The following FABP1 variants were observed in gnomAD, a reference collection of about 807,000 sequenced individuals.
FABP1 encodes fatty acid-binding protein, liver.
In FABP1, 13 loss-of-function variants were observed where a neutral mutation model predicts 13.7. That is an observed-to-expected ratio of 0.95 (90% CI 0.62 to 1.51). FABP1 has a LOEUF of 1.51. Among genes scored for constraint, FABP1 ranks in the 40% most tolerant of loss-of-function variants. The pLI, the probability that FABP1 is intolerant of heterozygous loss-of-function variation, is 0.00. For missense variants in FABP1, 140 were observed against 155.7 expected (o/e 0.90, Z 0.54); for synonymous variants, 48 against 59.8 (o/e 0.80, Z 0.91).
chr2:88,126,584 A>C, intron 1 of FABP1: 1 of 450,716 alleles, frequency 2.2e-6, no homozygotes, highest in African/African-American at 1.9e-5. Context: ...TAAAAAGGAC[A>C]CTCTTCTGGC....
At chr2:88,124,679 CAT>C in intron 2 of FABP1, 93 bp from the exon 3 acceptor site, 1 of 822,310 alleles carries the variant, frequency 1.2e-6, no homozygotes, top group Non-Finnish European at 2.0e-6. Context: ...GGTCTCAGCT[CAT>C]AACAACCAAA....
At position 88,128,006 on chromosome 2, in the gene FABP1, G is replaced by A. The variant is rs144743993; in HGVS notation, c.12C>T (p.Ser4=). 64 of 1,614,188 alleles carry A rather than the reference G, an allele frequency of 4.0e-5. 1 individual carries two copies. The African/African-American group carries it at 4.0e-4, about 10-fold the overall frequency. Reference sequence around the variant, plus strand: ...CCTGGCTCTGCAGTTGGTACTTGCCGGAGAAACTCATGGTGGCAATAGAGC... The same window carrying A: ...CCTGGCTCTGCAGTTGGTACTTGCCAGAGAAACTCATGGTGGCAATAGAGC... MSF[S]GKYQLQSQEN... is the part of the protein sequence containing the mutation. The change falls in exon 1 of 4, where the codon TCC becomes TCT. Residue 4 remains serine (S), a synonymous_variant. Coordinates refer to ENST00000295834, the MANE Select transcript of FABP1 (RefSeq NM_001443.3).
At chr2:88,126,640 T>C (rs1675303374) in intron 1 of FABP1, 5 of 291,596 alleles carry the variant, frequency 1.7e-5, no homozygotes, top group Admixed American at 1.6e-4. Flanking sequence ...TTGCTCACTC[T>C]CCTTCCTCAT....
Position 88,128,061 on chromosome 2 carries a change from C to G in FABP1, c.-44G>C, listed in dbSNP as rs1302002150. On this transcript the variant is annotated 5_prime_UTR_variant, in exon 1 of 4. Transcript: ENST00000295834. ...TCTTCACGACTGACCTGCGGCTCTG[C>G]CGACCAGACTGTCCACTGTAGGCTG... 3 of 1,584,790 alleles carry G rather than the reference C, an allele frequency of 1.9e-6. No individual in the cohort carries two copies. The highest frequency in any genetic ancestry group is 1.7e-6 in the Non-Finnish European group (2 of 1,153,238).
At chr2:88,125,575 G>T (rs1387042494) in intron 2 of FABP1, among the ~76,000 whole-genome samples, 1 of 152,212 alleles carries the variant, frequency 6.6e-6, no homozygotes, top group Non-Finnish European at 1.5e-5. Flanking sequence ...GTGCCCAGCA[G>T]AAGTGATGCT....
At chr2:88,124,910 G>A (rs1375988301) in intron 2 of FABP1, among the ~76,000 whole-genome samples, 1 of 151,764 alleles carries the variant, frequency 6.6e-6, no homozygotes, top group Non-Finnish European at 1.5e-5. Flanking sequence ...ATGGAGGGAG[G>A]TAGTGGCAAA....
chr2:88,126,668 A>G (rs1188193136), intron 1 of FABP1: 1 of 243,250 alleles, frequency 4.1e-6, no homozygotes, highest in East Asian at 7.7e-5. Context: ...TCCTTTGATG[A>G]CTTTGCTCTT....
rs1039905387 is a variant in FABP1, at chr2:88,126,301, A to T, written c.115T>A (p.Ser39Thr). The T allele has an allele frequency of 2.5e-6, 4 of 1,613,848 alleles. No individual in the cohort carries two copies. Among genetic ancestry groups the T allele is most frequent in the Non-Finnish European group, 3.4e-6 (4 of 1,179,878 alleles). The change falls in exon 2 of 4, where the codon TCG becomes ACG. Residue 39 changes from serine (S) to threonine (T), a missense_variant. Coordinates refer to ENST00000295834, the MANE Select transcript of FABP1 (RefSeq NM_001443.3). ...TGCTTCCCATTCTGCACGATTTCCG[A>T]CACCCCCTTGATATCCTTCCCCTTC... ...IQKGKDIKGV[S>T]EIVQNGKHFK...
chr2:88,127,679 G>A (rs1675323748), intron 1 of FABP1, among the ~76,000 whole-genome samples: 1 of 152,216 alleles, frequency 6.6e-6, no homozygotes, highest in Non-Finnish European at 1.5e-5. Flanking sequence ...AATAAATGCA[G>A]GAATAGGATC....
chr2:88,126,165 T>C lies in FABP1; in HGVS notation c.240+11A>G, dbSNP rs1223001515. Reference sequence around the variant, plus strand: ...AGGAAAGTTCTGACAGCAGAAGGGATGCCCTCCTACCTTGACTTTCTCCCC... The same window carrying C: ...AGGAAAGTTCTGACAGCAGAAGGGACGCCCTCCTACCTTGACTTTCTCCCC... On this transcript the variant is annotated intron_variant, in intron 2 of 3. Coordinates refer to ENST00000295834, the MANE Select transcript of FABP1 (RefSeq NM_001443.3). 1 of 1,594,458 alleles carries C rather than the reference T, an allele frequency of 6.3e-7. No individual in the cohort carries two copies. The highest frequency in any genetic ancestry group is 8.6e-7 in the Non-Finnish European group (1 of 1,164,632).
rs1675288584 is a variant in FABP1 at position 88,125,969 on chromosome 2, C to T, written c.240+207G>A. On this transcript the variant is annotated intron_variant, in intron 2 of 3. Transcript: ENST00000295834. ...GCTCAGACTTTAGGGGCTGGAACAC[C>T]CCCCAGACAGTCCCTGGGAAGAGGA... 6.1e-6 allele frequency: 3 copies of T among 495,210 alleles called. No individual in the cohort carries two copies. The South Asian group carries it at 1.2e-4, about 20-fold the overall frequency. The allele number at this position is 495,210 out of a possible 1,614,324, so 30.7% of individuals were successfully genotyped here. A position where few individuals can be genotyped will look rare whatever the true frequency, so the allele number is the denominator to read the frequency against.
At chr2:88,127,858 C>T (rs528403702) in intron 1 of FABP1, 93 bp downstream of exon 1, 2 of 1,234,602 alleles carry the variant, frequency 1.6e-6, no homozygotes, top group Non-Finnish European at 2.4e-6. Context: ...TCTCTCCCCC[C>T]ATCTCAACAT....
chr2:88,127,472 T>A (rs1471302038), intron 1 of FABP1, among the ~76,000 whole-genome samples: 1 of 152,220 alleles, frequency 6.6e-6, no homozygotes, highest in African/African-American at 2.4e-5. Context: ...GGGTATTGCA[T>A]ATCCCATGGT....
intron 1 of FABP1, among the ~76,000 whole-genome samples, chr2:88,127,528 A>C (rs1675321412): frequency 6.6e-6 from 1 of 152,170 alleles, no homozygotes; most frequent in African/African-American, 2.4e-5. Flanking sequence ...ACCTGAGGGA[A>C]TGCCTTATTA....
At chr2:88,125,748 C>G (rs559522006) in intron 2 of FABP1, among the ~76,000 whole-genome samples, 1 of 152,224 alleles carries the variant, frequency 6.6e-6, no homozygotes, top group Non-Finnish European at 1.5e-5. Context: ...AAGTCTCTCC[C>G]TATCACCACC....
chr2:88,126,675 T>C, intron 1 of FABP1: 1 of 229,756 alleles, frequency 4.4e-6, no homozygotes, highest in Non-Finnish European at 8.9e-6. Flanking sequence ...ATGACTTTGC[T>C]CTTGGAGTGT....
chr2:88,123,342 TTGAC>T (rs1345593585), intron 3 of FABP1: 2 of 525,532 alleles, frequency 3.8e-6, no homozygotes, highest in Non-Finnish European at 6.7e-6. Context: ...CCTCCTGCCT[TTGAC>T]TGAATTCTTT....
At chr2:88,123,840 G>C (rs1675247296) in intron 3 of FABP1, 1 of 152,376 alleles carries the variant, frequency 6.6e-6, no homozygotes, top group East Asian at 1.9e-4. Flanking sequence ...GCGTTGGCCA[G>C]GACTTACTGC....
intron 3 of FABP1, 81 bp from the exon 4 acceptor site, chr2:88,123,185 T>C (rs536548675): frequency 1.6e-6 from 2 of 1,222,948 alleles, no homozygotes; most frequent in Admixed American, 4.5e-5. Context: ...AAAACAAAAT[T>C]AAGCTTAAAA....
Sources: allele counts gnomAD v4.1 joint callset (sites outside exome capture counted in the v4.1 genomes callset), GRCh38; gene constraint gnomAD v4.1.1; transcripts MANE v1.5; gene names NCBI Gene and HGNC (gene_info 2026-07-23, HGNC 2026-07-21).